NCKAP5: variants seen among roughly 807,000 people sequenced by gnomAD.
The protein encoded by NCKAP5 is NCK associated protein 5.
Under a neutral mutation model 167.0 loss-of-function variants are expected in NCKAP5, and 92 were observed. The observed-to-expected ratio is 0.55, with a 90% confidence interval of 0.47 to 0.66. The LOEUF is 0.66. Among genes scored for constraint, NCKAP5 ranks in the 30% least tolerant of loss-of-function variants. NCKAP5 has a pLI of 0.00. For synonymous variants in NCKAP5, 891 were observed against 877.4 expected (o/e 1.02, Z -0.27); for missense variants, 2,378 against 2,315.0 (o/e 1.03, Z -0.56).
At chr2:133,129,944 C>T (rs2149794146) in intron 6 of NCKAP5, 34 bp downstream of exon 6, 3 of 1,561,304 alleles carry the variant, frequency 1.9e-6, no homozygotes, top group Non-Finnish European at 2.6e-6. Context: ...AGAGATGCAC[C>T]TCAGGAAGCA....
the NCKAP5 span, among the ~76,000 whole-genome samples, chr2:133,663,999 A>AGG: frequency 1.3e-5 from 2 of 152,224 alleles, no homozygotes; most frequent in African/African-American, 4.8e-5. Flanking sequence ...TTTCTTAAAT[A>AGG]ATAAGACTAG....
intron 2 of NCKAP5, among the ~76,000 whole-genome samples, chr2:133,547,091 C>G (rs1263393375): frequency 2.0e-5 from 3 of 152,202 alleles, no homozygotes; most frequent in Non-Finnish European, 4.4e-5. Flanking sequence ...ACGGAGTTCC[C>G]TTTCCAAGGC....
intron 3 of NCKAP5, among the ~76,000 whole-genome samples, chr2:133,516,474 A>G (rs1009142148): frequency 2.0e-5 from 3 of 152,236 alleles, no homozygotes; most frequent in Non-Finnish European, 4.4e-5. Flanking sequence ...AGAACTTGAC[A>G]TAAATGCTTA....
intron 6 of NCKAP5, among the ~76,000 whole-genome samples, chr2:133,113,162 A>T (rs894450654): frequency 2.8e-4 from 43 of 151,638 alleles, no homozygotes; most frequent in Non-Finnish European, 8.8e-5. Context: ...GGTGGTGCTC[A>T]GAATCCTCTC....
intron 6 of NCKAP5, among the ~76,000 whole-genome samples, chr2:133,017,611 G>GAA (rs202152501): frequency 6.8e-6 from 1 of 147,522 alleles, no homozygotes; most frequent in Admixed American, 6.8e-5. Flanking sequence ...TGTAGATTCT[G>GAA]AAAAAAAAAA....
chr2:132,829,892 G>A (rs1198833772), intron 11 of NCKAP5, among the ~76,000 whole-genome samples: 1 of 152,090 alleles, frequency 6.6e-6, no homozygotes, highest in Non-Finnish European at 1.5e-5. Flanking sequence ...ACATCATTAG[G>A]TTTGTTTGTG....
chr2:133,375,726 G>A (rs543989010), intron 3 of NCKAP5, among the ~76,000 whole-genome samples: 2 of 152,150 alleles, frequency 1.3e-5, no homozygotes, highest in African/African-American at 2.4e-5. Context: ...AGTTTGCTAA[G>A]GATAATGGTC....
chr2:132,787,673 T>C (rs1683699699), intron 13 of NCKAP5, among the ~76,000 whole-genome samples: 1 of 152,182 alleles, frequency 6.6e-6, no homozygotes, highest in Non-Finnish European at 1.5e-5. Context: ...TGGCAGTAGA[T>C]GCTATTCAGT....
At chr2:133,149,362 T>C (rs1464789778) in intron 5 of NCKAP5, among the ~76,000 whole-genome samples, 1 of 152,160 alleles carries the variant, frequency 6.6e-6, no homozygotes, top group Non-Finnish European at 1.5e-5. Context: ...GTTAATGTTA[T>C]GCTCAGGCAA....
chr2:133,065,647 A>T (rs868456185), intron 6 of NCKAP5, among the ~76,000 whole-genome samples: 1 of 151,992 alleles, frequency 6.6e-6, no homozygotes, highest in African/African-American at 2.4e-5. Flanking sequence ...CTCTCTCATT[A>T]AGTTAGTTTA....
At chr2:133,482,790 T>A (rs1278025458) in intron 3 of NCKAP5, among the ~76,000 whole-genome samples, 2 of 152,176 alleles carry the variant, frequency 1.3e-5, no homozygotes, top group Admixed American at 6.5e-5. Context: ...TTTCTCTGAA[T>A]CCTTACCAAC....
intron 11 of NCKAP5, among the ~76,000 whole-genome samples, chr2:132,816,422 G>A (rs1306260152): frequency 1.3e-5 from 2 of 152,080 alleles, no homozygotes; most frequent in South Asian, 2.1e-4. Context: ...TCAGAATGTC[G>A]GGAGCGGCTT....
intron 4 of NCKAP5, among the ~76,000 whole-genome samples, chr2:133,226,777 C>T (rs1158367730): frequency 1.3e-5 from 2 of 152,106 alleles, no homozygotes; most frequent in Non-Finnish European, 2.9e-5. Context: ...CCAACCTTGT[C>T]AATGCATCTT....
intron 6 of NCKAP5, among the ~76,000 whole-genome samples, chr2:133,124,787 G>A (rs938168622): frequency 6.6e-6 from 1 of 152,182 alleles, no homozygotes; most frequent in African/African-American, 2.4e-5. Flanking sequence ...GGCCTGGCAT[G>A]GTGGTTCACC....
intron 6 of NCKAP5, among the ~76,000 whole-genome samples, chr2:133,020,523 T>A (rs2078490573): frequency 6.6e-6 from 1 of 152,152 alleles, no homozygotes; most frequent in South Asian, 2.1e-4. Context: ...GAAGAAACTT[T>A]GGGGTTCAGG....
intron 6 of NCKAP5, among the ~76,000 whole-genome samples, chr2:133,115,518 G>A (rs976237998): frequency 7.3e-5 from 11 of 151,664 alleles, no homozygotes; most frequent in Non-Finnish European, 8.8e-5. Context: ...AAAATTAGAT[G>A]TTATGTTACA....
the NCKAP5 span, among the ~76,000 whole-genome samples, chr2:133,673,390 C>T: frequency 1.3e-5 from 2 of 152,184 alleles, no homozygotes; most frequent in Admixed American, 6.5e-5. Flanking sequence ...CAGCCACAGG[C>T]AGGAAAGCTT....
intron 6 of NCKAP5, among the ~76,000 whole-genome samples, chr2:133,050,727 C>T (rs1368796168): frequency 6.6e-6 from 1 of 152,146 alleles, no homozygotes; most frequent in Non-Finnish European, 1.5e-5. Context: ...TTCAGACATA[C>T]ATTCTCAAGG....
chr2:133,505,351 T>C (rs1042797851), intron 3 of NCKAP5, among the ~76,000 whole-genome samples: 1 of 152,080 alleles, frequency 6.6e-6, no homozygotes, highest in Non-Finnish European at 1.5e-5. Flanking sequence ...ATCATGGATA[T>C]GCTATTCCAC....
Sources: allele counts gnomAD v4.1 joint callset (sites outside exome capture counted in the v4.1 genomes callset), GRCh38; gene constraint gnomAD v4.1.1; transcripts MANE v1.5; gene names NCBI Gene and HGNC (gene_info 2026-07-23, HGNC 2026-07-21).